Variants in PCDH10 observed in about 807,000 individuals in gnomAD.
The protein encoded by PCDH10 is protocadherin-10.
In PCDH10, 15 loss-of-function variants were observed where a neutral mutation model predicts 74.4. The observed-to-expected ratio is 0.20, with a 90% CI of 0.13 to 0.31. The LOEUF is 0.31. Among genes scored for constraint, PCDH10 ranks in the 10% least tolerant of loss-of-function variants. The probability of loss-of-function intolerance (pLI) is 1.00; values close to 1 mark genes in which losing one functional copy is unlikely to be tolerated. For missense variants in PCDH10, 1,260 were observed against 1,390.2 expected (o/e 0.91, Z 1.49); for synonymous variants, 619 against 589.8 (o/e 1.05, Z -0.72).
chr4:133,163,071 C>T lies in PCDH10; in HGVS notation c.2892C>T (p.Arg964=), dbSNP rs771411200. The stretch of plus-strand genomic sequence containing the variant: ...CTTCTTTTGTCCCTTCTGATGGACG[C>T]CAGGCTGCTGATTATCGCAGCAATC... ...WMPSFVPSDG[R]QAADYRSNLH... Residue 964 remains arginine (R), a synonymous_variant, in exon 4 of 5, where the codon CGC becomes CGT. Transcript: ENST00000264360. 5.0e-6 allele frequency: 8 copies of T among 1,613,968 alleles called. No homozygotes were observed. The highest frequency in any genetic ancestry group is 4.5e-5 in the East Asian group (2 of 44,882).
rs1353388011 is a variant in PCDH10 at position 133,151,470 on chromosome 4, T to A, written c.1330T>A (p.Ser444Thr). The A allele has an allele frequency of 1.8e-5, 29 of 1,613,760 alleles. No individual in the cohort carries two copies. Among genetic ancestry groups the A allele is most frequent in the Non-Finnish European group, 2.2e-5 (26 of 1,180,002 alleles). ...VARDRGEPAL[S>T]TSKSIQVQVS... ...TCGGGACCGGGGCGAGCCTGCGCTC[T>A]CCACCAGTAAGTCGATCCAGGTACA... Residue 444 changes from serine to threonine, a missense_variant, in exon 1 of 5, where the codon TCC becomes ACC. Ser to Thr is a moderately conservative substitution (Grantham distance 58). Around this residue, in one of 11 missense-constraint regions of PCDH10, gnomAD observed 112 missense variants for 123.6 expected, o/e 0.91. Transcript: ENST00000264360.
chr4:133,151,857 G>A lies in PCDH10; in HGVS notation c.1717G>A (p.Ala573Thr). Residue 573 changes from alanine to threonine, a missense_variant, in exon 1 of 5, where the codon GCC becomes ACC. Ala to Thr is a moderately conservative substitution (Grantham distance 58). This residue lies in a region of PCDH10 where 587 missense variants were observed against 616.9 expected (regional missense o/e 0.95). Coordinates refer to ENST00000264360, the MANE Select transcript of PCDH10 (RefSeq NM_032961.3). ...LIVDQNDNAP[A>T]IVAPLPGRNG... is the part of the protein sequence containing the mutation. ...AGTGGATCAAAATGACAACGCCCCT[G>A]CCATCGTGGCGCCTCTACCAGGGCG... 1 of 1,613,096 alleles carries A rather than the reference G, an allele frequency of 6.2e-7. No individual in the cohort carries two copies. The highest frequency in any genetic ancestry group is 1.1e-5 in the South Asian group (1 of 91,088).
At chr4:133,204,383 G>A (rs975573055) in intron 2 of PCDH10, among the ~76,000 whole-genome samples, 1 of 152,170 alleles carries the variant, frequency 6.6e-6, no homozygotes, top group African/African-American at 2.4e-5. Flanking sequence ...GCTGTAAGCA[G>A]AGAGCTCTAG....
chr4:133,195,257 T>C (rs935932517), downstream of PCDH10, among the ~76,000 whole-genome samples: 8 of 152,116 alleles, frequency 5.3e-5, no homozygotes, highest in Non-Finnish European at 2.9e-5. Context: ...ACTGATTTTC[T>C]TGAGTGCAAA....
At chr4:133,152,943 C>G in intron 1 of PCDH10, 172 bp downstream of exon 1, 1 of 1,452,506 alleles carries the variant, frequency 6.9e-7, no homozygotes, top group African/African-American at 1.4e-5. Context: ...TCGTGTGTAA[C>G]CTAACTTTCG....
downstream of PCDH10, among the ~76,000 whole-genome samples, chr4:133,198,657 A>G (rs1310573085): frequency 6.6e-6 from 1 of 152,142 alleles, no homozygotes; most frequent in Non-Finnish European, 1.5e-5. Context: ...AGAAACCAGA[A>G]TAGGGGAAAA....
intron 4 of PCDH10, among the ~76,000 whole-genome samples, chr4:133,171,189 A>G (rs1293997304): frequency 6.6e-6 from 1 of 152,092 alleles, no homozygotes; most frequent in African/African-American, 2.4e-5. Context: ...CTAGATTCCA[A>G]TATTACCTGT....
intron 1 of PCDH10, 46 bp downstream of exon 1, chr4:133,152,817 G>C (rs758673072): frequency 6.8e-6 from 11 of 1,611,838 alleles, no homozygotes; most frequent in Non-Finnish European, 9.3e-6. Context: ...TCCTCCATCA[G>C]AAAGCCTCCT....
intron 4 of PCDH10, among the ~76,000 whole-genome samples, chr4:133,174,270 G>T (rs1727251536): frequency 6.6e-6 from 1 of 151,866 alleles, no homozygotes; most frequent in African/African-American, 2.4e-5. Flanking sequence ...ATAGAAAGCA[G>T]ATCTTATATG....
chr4:133,204,957 C>T (rs990655989), intron 2 of PCDH10, among the ~76,000 whole-genome samples: 11 of 152,158 alleles, frequency 7.2e-5, no homozygotes, highest in African/African-American at 2.2e-4. Context: ...GGGAGAAAAG[C>T]TTTGTGTTTC....
At position 133,154,725 on chromosome 4, in the gene PCDH10, C is replaced by A. The variant is rs530815418; in HGVS notation, c.2691-192C>A. ...GCCTAAACTTTACATGACTTAAGTGCTCAAAATGACTGTTAATCGATCATT... is the reference window on the plus strand; with the variant it reads ...GCCTAAACTTTACATGACTTAAGTGATCAAAATGACTGTTAATCGATCATT... On this transcript the variant is annotated intron_variant, in intron 2 of 4. Coordinates refer to ENST00000264360, the MANE Select transcript of PCDH10 (RefSeq NM_032961.3). 3.3e-5 allele frequency among the ~76,000 whole-genome samples: 5 copies of A among 152,248 alleles called. No homozygotes were observed. In the South Asian group the frequency reaches 1.0e-3, roughly 32 times the overall value.
rs766272106 is a variant in PCDH10 at position 133,150,765 on chromosome 4, G to T, written c.625G>T (p.Gly209Trp). The T allele has an allele frequency of 1.3e-6, 2 of 1,598,274 alleles. No individual in the cohort carries two copies. The highest frequency in any genetic ancestry group is 1.7e-6 in the Non-Finnish European group (2 of 1,172,282). Reference sequence around the variant, plus strand: ...GCTGACCGCGGTGGACGGAGGAGGTGGGGGAGGAGTAGGAGAAGGAGGGGG... The same window carrying T: ...GCTGACCGCGGTGGACGGAGGAGGTTGGGGAGGAGTAGGAGAAGGAGGGGG... ...YVLTAVDGGG[G>W]GGVGEGGGGG... Residue 209 changes from glycine to tryptophan, a missense_variant, in exon 1 of 5, where the codon GGG (glycine) becomes TGG (tryptophan). Transcript: ENST00000264360.
At position 133,193,603 on chromosome 4, in the gene PCDH10, G is replaced by A. The variant is rs955162761; in HGVS notation, c.*3443G>A. The A allele has an allele frequency of 2.0e-5, 3 of 151,488 alleles. No homozygotes were observed. The highest frequency in any genetic ancestry group is 6.6e-5 in the Admixed American group (1 of 15,156). The allele number at this position is 151,488 out of a possible 1,614,324, so 9.4% of individuals were successfully genotyped here. A position where few individuals can be genotyped will look rare whatever the true frequency, so the allele number is the denominator to read the frequency against. ...AGTTAGTCTTTAAAACAATTACTCA[G>A]GCAGAGTGTGGCAAAAGTTCAGCAA... On this transcript the variant is annotated 3_prime_UTR_variant, in exon 5 of 5. Transcript: ENST00000264360.
chr4:133,188,704 G>A (rs1351355444), intron 4 of PCDH10, among the ~76,000 whole-genome samples: 4 of 110,466 alleles, frequency 3.6e-5, no homozygotes, highest in Admixed American at 1.3e-4. Context: ...ATGGAGTTTC[G>A]CTCTTGTCTC....
At chr4:133,154,842 C>A in intron 2 of PCDH10, 75 bp from the exon 3 acceptor site, 1 of 1,020,272 alleles carries the variant, frequency 9.8e-7, no homozygotes, top group Non-Finnish European at 1.5e-6. Context: ...CATCTGTGAC[C>A]ATGTGGTGGC....
chr4:133,163,930 C>T (rs1258865658), intron 4 of PCDH10: 6 of 444,946 alleles, frequency 1.3e-5, no homozygotes, highest in East Asian at 7.1e-5. Context: ...TGAAGTATAA[C>T]GTGAAAAGCA....
intron 4 of PCDH10, among the ~76,000 whole-genome samples, chr4:133,172,749 T>A (rs1416243285): frequency 6.6e-6 from 1 of 151,986 alleles, no homozygotes; most frequent in Non-Finnish European, 1.5e-5. Flanking sequence ...ATTTCCTTGA[T>A]AATATAGGGA....
chr4:133,183,853 G>A (rs537642078), intron 4 of PCDH10, among the ~76,000 whole-genome samples: 1 of 152,212 alleles, frequency 6.6e-6, no homozygotes, highest in South Asian at 2.1e-4. Context: ...ATGTCTATGA[G>A]ACAATTATTA....
At position 133,149,313 on chromosome 4, in the gene PCDH10, C is replaced by G. The variant is rs1394876351; in HGVS notation, c.-828C>G. ...GAGCTCAGAAACTGCCAGCCCAGACCACAGGCTCAGAGGCTGAAGCAGGAG... is the reference window on the plus strand; with the variant it reads ...GAGCTCAGAAACTGCCAGCCCAGACGACAGGCTCAGAGGCTGAAGCAGGAG... On this transcript the variant is annotated 5_prime_UTR_variant, in exon 1 of 5. Transcript: ENST00000264360. The G allele has an allele frequency of 6.6e-6, 1 of 152,440 alleles. No individual in the cohort carries two copies. The highest frequency in any genetic ancestry group is 2.1e-4 in the South Asian group (1 of 4,838). 9.4% of individuals were successfully genotyped at this position (152,440 alleles called of 1,614,324 possible). A position where few individuals can be genotyped will look rare whatever the true frequency, so the allele number is the denominator to read the frequency against.
Sources: allele counts gnomAD v4.1 joint callset (sites outside exome capture counted in the v4.1 genomes callset), GRCh38; gene constraint gnomAD v4.1.1; regional missense constraint gnomAD v4.1.1; transcripts MANE v1.5; gene names NCBI Gene and HGNC (gene_info 2026-07-23, HGNC 2026-07-21).